The following SASH1 variants were observed in gnomAD, a reference collection of about 807,000 sequenced individuals.
SASH1 encodes SAM and SH3 domain containing 1.
A neutral mutation model predicts 125.2 loss-of-function variants in SASH1; 44 were observed. The observed-to-expected ratio is 0.35, with a 90% CI of 0.28 to 0.45. SASH1 has a LOEUF of 0.45. Ranked by LOEUF, SASH1 falls within the 20% of genes least tolerant of loss-of-function variation. SASH1 has a pLI of 1.00. For synonymous variants in SASH1, 639 were observed against 649.1 expected, an observed-to-expected ratio of 0.98 and a Z score of 0.24; for missense variants, 1,426 against 1,614.5, an observed-to-expected ratio of 0.88 and a Z score of 2.00.
chr6:148,226,109 G>T, the SASH1 span, among the ~76,000 whole-genome samples: 1 of 152,158 alleles, frequency 6.6e-6, no homozygotes, highest in Non-Finnish European at 1.5e-5. Flanking sequence ...GCAATTGATT[G>T]CAATGACTAT....
the SASH1 span, among the ~76,000 whole-genome samples, chr6:148,198,660 C>A: frequency 4.3e-4 from 66 of 152,196 alleles, no homozygotes; most frequent in Non-Finnish European, 1.8e-4. Context: ...AGGTCTTAGA[C>A]AGGTTTCAGG....
chr6:148,516,705 C>T (rs1479196120), intron 9 of SASH1, among the ~76,000 whole-genome samples: 1 of 151,882 alleles, frequency 6.6e-6, no homozygotes, highest in Non-Finnish European at 1.5e-5. Flanking sequence ...CTTACACCAT[C>T]CTCATTTCGA....
intron 1 of SASH1, among the ~76,000 whole-genome samples, chr6:148,307,243 T>C (rs1780169511): frequency 6.6e-6 from 1 of 151,840 alleles, no homozygotes; most frequent in Non-Finnish European, 1.5e-5. Context: ...CTCAGCCTCC[T>C]GAGTAGCTGG....
chr6:148,509,150 G>C (rs528028169), intron 8 of SASH1: 3 of 339,918 alleles, frequency 8.8e-6, no homozygotes, highest in African/African-American at 6.5e-5. Context: ...GCTGTGAATT[G>C]TGGAGGCTTT....
At chr6:148,527,865 A>C (rs1369568018) in intron 12 of SASH1, among the ~76,000 whole-genome samples, 1 of 152,202 alleles carries the variant, frequency 6.6e-6, no homozygotes, top group Non-Finnish European at 1.5e-5. Context: ...CATGTAAAGA[A>C]ATGGTTATTC....
chr6:148,487,965 A>T, intron 8 of SASH1, among the ~76,000 whole-genome samples: 1 of 150,312 alleles, frequency 6.7e-6, no homozygotes, highest in African/African-American at 2.5e-5. Context: ...GATGACATTT[A>T]CCATATCAGC....
chr6:148,525,581 A>G (rs1490612564), intron 11 of SASH1, among the ~76,000 whole-genome samples: 1 of 152,182 alleles, frequency 6.6e-6, no homozygotes, highest in Admixed American at 6.5e-5. Context: ...TCCTTCCTTG[A>G]GTAGCACAGT....
At position 148,449,035 on chromosome 6, in the gene SASH1, TGCTGTGATAGAATACCCGAGACTGGCTAA is replaced by T. The variant is rs1554258769; in HGVS notation, c.386+8629_386+8657del. ...CCCTCTGTTTTAGTCCATTTTGTGT[TGCTGTGATAGAATACCCGAGACTGGCTAA>T]TTTCATTTCATTTCTTTTTTTTTTT... On this transcript the variant is annotated intron_variant, in intron 4 of 19. Transcript: ENST00000367467. Among the ~76,000 whole-genome samples the T allele has an allele frequency of 3.8e-3, 578 of 150,260 alleles. 3 individuals carry two copies. Among genetic ancestry groups the T allele is most frequent in the Non-Finnish European group, 6.9e-3 (465 of 67,176 alleles).
intron 7 of SASH1, chr6:148,479,099 A>G (rs1583225397): frequency 1.6e-5 from 2 of 128,016 alleles, no homozygotes; most frequent in African/African-American, 3.1e-5. Flanking sequence ...GCCAGGCTGG[A>G]GTGAAGTAGC....
intron 1 of SASH1, chr6:148,379,885 T>A (rs1180145223): frequency 2.2e-6 from 1 of 456,452 alleles, no homozygotes; most frequent in East Asian, 6.9e-5. Flanking sequence ...GCTGATCTTG[T>A]TCCATCTATA....
chr6:148,336,076 A>G (rs903763477), intron 1 of SASH1, among the ~76,000 whole-genome samples: 17 of 152,156 alleles, frequency 1.1e-4, no homozygotes, highest in African/African-American at 4.1e-4. Flanking sequence ...TTCACAGATA[A>G]GATAAACAAC....
At chr6:148,269,398 T>G (rs1779010568), upstream of SASH1, among the ~76,000 whole-genome samples, 1 of 152,148 alleles carries the variant, frequency 6.6e-6, no homozygotes, top group Non-Finnish European at 1.5e-5. Context: ...ATTTCCCAAG[T>G]AGCTAAGACC....
At chr6:148,225,813 G>T in the SASH1 span, among the ~76,000 whole-genome samples, 1 of 152,180 alleles carries the variant, frequency 6.6e-6, no homozygotes, top group East Asian at 1.9e-4. Context: ...TCCAAAAAAT[G>T]AGAAATCTAT....
chr6:148,352,441 A>T (rs1292018072), intron 1 of SASH1, among the ~76,000 whole-genome samples: 1 of 152,000 alleles, frequency 6.6e-6, no homozygotes. Flanking sequence ...TACCAAAAAT[A>T]CAAAAATTAG....
chr6:148,528,558 C>T (rs934694618), intron 12 of SASH1, among the ~76,000 whole-genome samples: 12 of 152,206 alleles, frequency 7.9e-5, no homozygotes, highest in Non-Finnish European at 1.6e-4. Context: ...AAAGCCTGCA[C>T]AGCAGCTTCA....
the SASH1 span, among the ~76,000 whole-genome samples, chr6:148,254,456 A>G: frequency 1.3e-5 from 2 of 152,208 alleles, no homozygotes; most frequent in Non-Finnish European, 2.9e-5. Flanking sequence ...AATAACCACC[A>G]TACTCCAGCT....
intron 2 of SASH1, among the ~76,000 whole-genome samples, chr6:148,430,827 C>A (rs1289867003): frequency 6.6e-6 from 1 of 152,204 alleles, no homozygotes; most frequent in Non-Finnish European, 1.5e-5. Flanking sequence ...ATAGCAGAGA[C>A]ACAGAGTACT....
At chr6:148,221,365 C>A in the SASH1 span, among the ~76,000 whole-genome samples, 1 of 152,118 alleles carries the variant, frequency 6.6e-6, no homozygotes, top group African/African-American at 2.4e-5. Flanking sequence ...ACAGAGCTTG[C>A]TTAGTACTGA....
intron 1 of SASH1, among the ~76,000 whole-genome samples, chr6:148,290,808 A>G (rs570765027): frequency 1.9e-4 from 28 of 149,306 alleles, no homozygotes; most frequent in African/African-American, 5.6e-4. Flanking sequence ...CCTTCCCTCC[A>G]CTATTGTCCT....
Sources: gnomAD v4.1 joint callset for allele counts (sites outside exome capture counted in the v4.1 genomes callset) on GRCh38, gnomAD v4.1.1 for gene constraint, MANE v1.5 for transcripts, NCBI Gene and HGNC (gene_info 2026-07-23, HGNC 2026-07-21) for gene names.